MYOM3: variants seen among roughly 807,000 people sequenced by gnomAD.
MYOM3 encodes the protein myomesin-3.
MYOM3 carries 155 observed loss-of-function variants against 191.7 expected under a neutral mutation model. The observed-to-expected ratio is 0.81, with a 90% CI of 0.71 to 0.92. The LOEUF is 0.92. Among genes scored for constraint, MYOM3 ranks in the 40% least tolerant of loss-of-function variants. The pLI, the probability that MYOM3 is intolerant of heterozygous loss-of-function variation, is 0.00. For missense variants in MYOM3, 1,889 were observed against 1,890.6 expected (o/e 1.00, Z 0.02); for synonymous variants, 757 against 762.9 (o/e 0.99, Z 0.13).
chr1:24,092,879 A>G (rs2148556441), intron 10 of MYOM3, 68 bp downstream of exon 10: 3 of 1,393,236 alleles, frequency 2.2e-6, no homozygotes, highest in Admixed American at 3.1e-5. Flanking sequence ...AAGGTTCCAC[A>G]GCAAACAAGG....
rs570426003 is a variant in MYOM3, at chr1:24,106,954, G to A, written c.402+119C>T. On this transcript the variant is annotated intron_variant, in intron 4 of 36. Transcript: ENST00000374434. The stretch of plus-strand genomic sequence containing the variant: ...CCACTGGAATGTAGGGGCATCAGAT[G>A]CAGACCCAAAGCCTGGACTCTGCCC... 2.5e-5 allele frequency: 25 copies of A among 998,398 alleles called. No homozygotes were observed. The South Asian group carries it at 3.3e-4, about 13-fold the overall frequency. The allele number at this position is 998,398 out of a possible 1,614,324, so 61.8% of individuals were successfully genotyped here.
intron 22 of MYOM3, 25 bp downstream of exon 22, chr1:24,075,293 GT>G: frequency 6.2e-7 from 1 of 1,610,678 alleles, no homozygotes; most frequent in South Asian, 1.1e-5. Flanking sequence ...CCGTTGAGCA[GT>G]TGTTTCTCCT....
intron 1 of MYOM3, among the ~76,000 whole-genome samples, chr1:24,109,866 G>C (rs1054893609): frequency 5.3e-5 from 8 of 152,164 alleles, no homozygotes; most frequent in South Asian, 2.1e-4. Flanking sequence ...GGACACGGTG[G>C]GCCACAGGGC....
At chr1:24,080,827 T>C (rs991591623) in intron 19 of MYOM3, among the ~76,000 whole-genome samples, 1 of 152,178 alleles carries the variant, frequency 6.6e-6, no homozygotes, top group African/African-American at 2.4e-5. Context: ...CTGAACAAAA[T>C]GATGGAAGGG....
chr1:24,092,974 C>T lies in MYOM3; in HGVS notation c.1063G>A (p.Glu355Lys), dbSNP rs757779396. ...VRVPSPFGPR[E>K]QSTYVLVRDA... The stretch of plus-strand genomic sequence containing the variant: ...CTCACAAGCACGTAGGTGCTCTGTT[C>T]CCGGGGTCCGAAGGGCGAGGGCACC... Residue 355 changes from glutamate to lysine, a missense_variant, in exon 10 of 37, where the codon GAA (glutamate) becomes AAA (lysine). Transcript: ENST00000374434. 2 of 1,603,088 alleles carry T rather than the reference C, an allele frequency of 1.2e-6. No homozygotes were observed. Among genetic ancestry groups the T allele is most frequent in the South Asian group, 1.1e-5 (1 of 89,382 alleles).
intron 11 of MYOM3, 29 bp downstream of exon 11, chr1:24,092,145 G>A: frequency 3.5e-6 from 5 of 1,431,338 alleles, no homozygotes; most frequent in Non-Finnish European, 4.6e-6. Flanking sequence ...CTACCCCTAG[G>A]GCCTCTGCCA....
intron 20 of MYOM3, among the ~76,000 whole-genome samples, chr1:24,079,186 C>T (rs1358887815): frequency 1.3e-5 from 2 of 152,072 alleles, no homozygotes; most frequent in Non-Finnish European, 2.9e-5. Context: ...TGTGTCAATA[C>T]ATGCACGTAG....
In MYOM3 at chr1:24,090,706, C is replaced by T. The variant is rs1643807902; in HGVS notation, c.1432+91G>A. On this transcript the variant is annotated intron_variant, in intron 12 of 36. Coordinates refer to ENST00000374434, the MANE Select transcript of MYOM3 (RefSeq NM_152372.4). ...TGTGCTTCCTCCACCAGACTCGGGG[C>T]TCCTGAGGGCTGGATTGTCTCCTGT... 3.1e-6 allele frequency: 4 copies of T among 1,310,744 alleles called. No individual in the cohort carries two copies. In the Admixed American group the frequency reaches 5.4e-5, roughly 18 times the overall value. 81.2% of individuals were successfully genotyped at this position (1,310,744 alleles called of 1,614,324 possible).
At chr1:24,086,897 T>C in intron 14 of MYOM3, 70 bp from the exon 15 acceptor site, 1 of 1,489,470 alleles carries the variant, frequency 6.7e-7, no homozygotes, top group Non-Finnish European at 9.2e-7. Context: ...TCACCTCCCA[T>C]GATCTCTGTC....
chr1:24,091,773 AGGCCGGAGGTTCT>A (rs1236735766), intron 11 of MYOM3, among the ~76,000 whole-genome samples: 1 of 152,180 alleles, frequency 6.6e-6, no homozygotes, highest in Non-Finnish European at 1.5e-5. Flanking sequence ...CACTGGAAAA[AGGCCGGAGGTTCT>A]GGCCTCTCTA....
In MYOM3 at chr1:24,086,829, T is replaced by G. The variant is rs773160461; in HGVS notation, c.1615-2A>C. The G allele has an allele frequency of 2.5e-6, 4 of 1,613,576 alleles. No homozygotes were observed. Among genetic ancestry groups the G allele is most frequent in the East Asian group, 4.5e-5 (2 of 44,876 alleles). On this transcript the variant is annotated splice_acceptor_variant, in intron 14 of 36. Transcript: ENST00000374434. LOFTEE classifies it high-confidence loss of function. ...CCAGGTGCCACTACCTATGACTGAC[T>G]GAAGAAACAGAGGGACTCACATTGG...
chr1:24,091,051 A>C lies in MYOM3; in HGVS notation c.1233-55T>G, dbSNP rs1643816222. ...CCTGCCCACAATGCACACCTTCCCAATGTGAGCCTCTACAAGGGCCTTTCT... is the reference window on the plus strand; with the variant it reads ...CCTGCCCACAATGCACACCTTCCCACTGTGAGCCTCTACAAGGGCCTTTCT... On this transcript the variant is annotated intron_variant, in intron 11 of 36. Coordinates refer to ENST00000374434, the MANE Select transcript of MYOM3 (RefSeq NM_152372.4). The C allele has an allele frequency of 2.5e-6, 4 of 1,580,658 alleles. No individual in the cohort carries two copies. In the African/African-American group the frequency reaches 4.0e-5, roughly 16 times the overall value.
At chr1:24,066,997 G>C (rs1557602044) in intron 28 of MYOM3, 24 bp downstream of exon 28, 1 of 1,555,838 alleles carries the variant, frequency 6.4e-7, no homozygotes, top group African/African-American at 1.4e-5. Context: ...ACTGGGCCTG[G>C]GGGCAGGGCA....
rs373763649 is a variant in MYOM3, at chr1:24,094,892, C to T, written c.889G>A (p.Asp297Asn). Residue 297 changes from aspartate to asparagine, a missense_variant, in exon 9 of 37, where the codon GAT (aspartate) becomes AAT (asparagine). Transcript: ENST00000374434. ...TGGATGCTCTCAGCATCTAACACAT[C>T]TTCCGAAAACAAGCATGACAGGGAG... is the stretch of plus-strand genomic sequence containing the variant. ...PFSLSCLFSEDVLDAESIQWF... is the reference protein window; with the variant it reads ...PFSLSCLFSENVLDAESIQWF... 4.6e-5 allele frequency: 75 copies of T among 1,613,954 alleles called. No individual in the cohort carries two copies. Among genetic ancestry groups the T allele is most frequent in the Non-Finnish European group, 5.8e-5 (69 of 1,179,988 alleles).
intron 24 of MYOM3, among the ~76,000 whole-genome samples, chr1:24,071,629 T>C (rs926361174): frequency 4.6e-5 from 7 of 152,096 alleles, no homozygotes; most frequent in African/African-American, 1.7e-4. Flanking sequence ...GTAGCCAAGT[T>C]TGTGACCTCC....
rs1159379712 is a variant in MYOM3 at position 24,081,241 on chromosome 1, T to C, written c.2407+89A>G. 5.2e-6 allele frequency: 8 copies of C among 1,539,404 alleles called. No homozygotes were observed. The East Asian group carries it at 6.8e-5, about 13-fold the overall frequency. On this transcript the variant is annotated intron_variant, in intron 19 of 36. Transcript: ENST00000374434. ...GACAAACAGTGCAAGCCTGAATGCA[T>C]AGAGGAGAGCGGCAACCTTCATCTC...
At chr1:24,082,215 A>T in intron 17 of MYOM3, 27 bp from the exon 18 acceptor site, 1 of 1,570,858 alleles carries the variant, frequency 6.4e-7, no homozygotes, top group African/African-American at 1.3e-5. Context: ...AGGTGAGGAC[A>T]GCTGCTCCCT....
intron 15 of MYOM3, among the ~76,000 whole-genome samples, chr1:24,085,236 A>C (rs763267975): frequency 9.3e-5 from 13 of 139,110 alleles, no homozygotes; most frequent in Non-Finnish European, 1.7e-4. Context: ...ATGGATGGAC[A>C]GGTGGATTCA....
At chr1:24,109,122 T>C (rs926418965) in intron 1 of MYOM3, among the ~76,000 whole-genome samples, 2 of 152,270 alleles carry the variant, frequency 1.3e-5, no homozygotes, top group African/African-American at 2.4e-5. Flanking sequence ...TCTGGGCCTT[T>C]GCCCACGCTG....
Sources: gnomAD v4.1 joint callset for allele counts (sites outside exome capture counted in the v4.1 genomes callset) on GRCh38, gnomAD v4.1.1 for gene constraint, MANE v1.5 for transcripts, NCBI Gene and HGNC (gene_info 2026-07-23, HGNC 2026-07-21) for gene names.